Variants in PRIM2 observed in about 807,000 individuals in gnomAD.
The protein encoded by PRIM2 is DNA primase subunit 2, also known as DNA primase large subunit.
Under a neutral mutation model 67.3 loss-of-function variants are expected in PRIM2, and 39 were observed. The ratio of observed to expected loss-of-function variants is 0.58; its 90% confidence interval spans 0.45 to 0.76. The LOEUF (loss-of-function observed/expected upper bound fraction) is 0.76, where lower values mean the gene tolerates loss of function less well. Among genes scored for constraint, PRIM2 ranks in the 30% least tolerant of loss-of-function variants. The probability of loss-of-function intolerance (pLI) is 0.00; values close to 1 mark genes in which losing one functional copy is unlikely to be tolerated. For synonymous variants in PRIM2, 143 were observed against 198.7 expected (o/e 0.72, Z 2.36); for missense variants, 398 against 598.7 (o/e 0.66, Z 3.50).
At chr6:57,479,975 A>C (rs1166498192) in intron 7 of PRIM2, among the ~76,000 whole-genome samples, 1 of 152,238 alleles carries the variant, frequency 6.6e-6, no homozygotes, top group Non-Finnish European at 1.5e-5. Flanking sequence ...TGGATGAAGA[A>C]ACCAAAGAAG....
chr6:57,539,813 GT>G (rs1217373529), intron 10 of PRIM2, among the ~76,000 whole-genome samples: 3 of 151,976 alleles, frequency 2.0e-5, no homozygotes, highest in African/African-American at 7.3e-5. Flanking sequence ...GGCCAACATG[GT>G]GAAATACCGT....
the PRIM2 span, among the ~76,000 whole-genome samples, chr6:57,273,077 A>C: frequency 6.6e-6 from 1 of 151,980 alleles, no homozygotes; most frequent in Non-Finnish European, 1.5e-5. Context: ...CTTCATTTCA[A>C]CTTTGGTGAA....
intron 7 of PRIM2, among the ~76,000 whole-genome samples, chr6:57,500,714 G>C (rs1554346777): frequency 4.6e-5 from 7 of 152,144 alleles, no homozygotes; most frequent in Non-Finnish European, 4.4e-5. Flanking sequence ...TAACTGTCAT[G>C]GAGTCTTGGG....
intron 10 of PRIM2, among the ~76,000 whole-genome samples, chr6:57,595,867 G>A (rs1174968298): frequency 2.6e-5 from 4 of 152,042 alleles, no homozygotes; most frequent in Non-Finnish European, 5.9e-5. Context: ...TATAGGCTGA[G>A]CATTTATTAA....
chr6:57,462,698 G>A (rs1166750983), intron 7 of PRIM2, among the ~76,000 whole-genome samples: 3 of 152,150 alleles, frequency 2.0e-5, no homozygotes, highest in Admixed American at 6.5e-5. Flanking sequence ...CTGCTGTCTC[G>A]ACTGTGTCTT....
rs1562690980 is a variant in PRIM2 at position 57,320,489 on chromosome 6, T to C, written c.187T>C (p.Tyr63His). The C allele has an allele frequency of 3.1e-6, 5 of 1,609,258 alleles. No homozygotes were observed. The highest frequency in any genetic ancestry group is 4.2e-6 in the Non-Finnish European group (5 of 1,178,668). The change falls in exon 3 of 14, where the codon TAT (tyrosine) becomes CAT (histidine). Residue 63 changes from tyrosine (Y) to histidine (H), a missense_variant. Transcript: ENST00000615550. ...ATCAGTTGAAAATCTTGGAGTGAGC[T>C]ATGTGAAAGGAACTGAACAATACCA... The part of the protein sequence containing the change: ...LKSVENLGVS[Y>H]VKGTEQYQSK...
At chr6:57,244,978 G>C in the PRIM2 span, among the ~76,000 whole-genome samples, 1 of 152,320 alleles carries the variant, frequency 6.6e-6, no homozygotes, top group African/African-American at 2.4e-5. Context: ...CAGTGAGTTA[G>C]TTGATATGTG....
chr6:57,296,540 T>C, the PRIM2 span, among the ~76,000 whole-genome samples: 2 of 151,982 alleles, frequency 1.3e-5, no homozygotes, highest in African/African-American at 4.8e-5. Flanking sequence ...TGTATGTATA[T>C]ATAGAGAGGG....
At chr6:57,565,804 A>T (rs1287573606) in intron 10 of PRIM2, among the ~76,000 whole-genome samples, 1 of 152,244 alleles carries the variant, frequency 6.6e-6, no homozygotes, top group Non-Finnish European at 1.5e-5. Context: ...CCTCTTAAAA[A>T]AAATAGACAC....
At chr6:57,550,887 A>C (rs1470488456) in intron 10 of PRIM2, among the ~76,000 whole-genome samples, 2 of 152,140 alleles carry the variant, frequency 1.3e-5, no homozygotes, top group Non-Finnish European at 2.9e-5. Flanking sequence ...AATGGGTCAG[A>C]CTTCTGATAC....
At chr6:57,478,932 A>G (rs1773548083) in intron 7 of PRIM2, among the ~76,000 whole-genome samples, 1 of 152,234 alleles carries the variant, frequency 6.6e-6, no homozygotes, top group Non-Finnish European at 1.5e-5. Flanking sequence ...GAATCACCTG[A>G]GGTCGGGAGT....
intron 7 of PRIM2, among the ~76,000 whole-genome samples, chr6:57,505,687 G>A (rs1774235964): frequency 1.3e-5 from 2 of 152,156 alleles, no homozygotes; most frequent in Non-Finnish European, 2.9e-5. Flanking sequence ...CAGTGGAGAT[G>A]TATTAATAGT....
chr6:57,354,156 G>A (rs569868191), intron 5 of PRIM2, among the ~76,000 whole-genome samples: 302 of 152,270 alleles, frequency 2.0e-3, no homozygotes, highest in African/African-American at 6.8e-3. Flanking sequence ...GGCTTTAGCA[G>A]TACTGAATGG....
intron 8 of PRIM2, among the ~76,000 whole-genome samples, chr6:57,521,019 A>T (rs1554348857): frequency 1.3e-5 from 2 of 152,208 alleles, no homozygotes; most frequent in Admixed American, 6.5e-5. Context: ...AGACTTTTTA[A>T]AAAATAAAGT....
At chr6:57,441,555 G>C (rs1772205464) in intron 7 of PRIM2, among the ~76,000 whole-genome samples, 1 of 152,062 alleles carries the variant, frequency 6.6e-6, no homozygotes, top group African/African-American at 2.4e-5. Context: ...TACAGACATG[G>C]TTTCTGCTTT....
intron 8 of PRIM2, among the ~76,000 whole-genome samples, chr6:57,510,638 T>TTTA (rs1308735790): frequency 0.092 from 13,907 of 151,924 alleles, 692 homozygotes; most frequent in East Asian, 0.19. Flanking sequence ...CTGCTGTTGC[T>TTTA]TTATTATTAT....
intron 7 of PRIM2, among the ~76,000 whole-genome samples, chr6:57,438,309 T>C (rs1298594958): frequency 6.6e-6 from 1 of 152,200 alleles, no homozygotes; most frequent in African/African-American, 2.4e-5. Context: ...AAGGAATTGT[T>C]ACTGTTTGTG....
intron 5 of PRIM2, among the ~76,000 whole-genome samples, chr6:57,364,758 G>A (rs1320269241): frequency 6.6e-6 from 1 of 152,200 alleles, no homozygotes; most frequent in East Asian, 1.9e-4. Context: ...AGTATGAGGA[G>A]ATGGCATTTA....
chr6:57,483,821 C>T (rs1222823607), intron 7 of PRIM2, among the ~76,000 whole-genome samples: 1 of 152,088 alleles, frequency 6.6e-6, no homozygotes, highest in Non-Finnish European at 1.5e-5. Context: ...ACAAAAGTAC[C>T]TTTGTTGTAA....
Sources: allele counts gnomAD v4.1 joint callset (sites outside exome capture counted in the v4.1 genomes callset), GRCh38; gene constraint gnomAD v4.1.1; transcripts MANE v1.5; gene names NCBI Gene and HGNC (gene_info 2026-07-23, HGNC 2026-07-21).